COL24A1: variants seen among roughly 807,000 people sequenced by gnomAD.
COL24A1 encodes collagen alpha-1(XXIV) chain.
A neutral mutation model predicts 253.9 loss-of-function variants in COL24A1; 224 were observed. The ratio of observed to expected loss-of-function variants is 0.88; its 90% CI spans 0.79 to 0.99. The LOEUF is 0.99. Among genes scored for constraint, COL24A1 ranks in the 50% least tolerant of loss-of-function variants. The pLI is 0.00. For synonymous variants in COL24A1, 685 were observed against 673.7 expected (o/e 1.02, Z -0.26); for missense variants, 2,131 against 2,068.5 (o/e 1.03, Z -0.59).
Position 85,783,546 on chromosome 1 carries a change from C to T in COL24A1, c.4234G>A (p.Asp1412Asn), listed in dbSNP as rs952908135. ...CCTGATATCCCAACAATGCCAGCAT[C>T]CCCTTCAGGACCCTAGACATACAAT... is the stretch of plus-strand genomic sequence containing the variant. Reference protein sequence around the residue: ...GFPGPKGPEGDAGIVGISGPK... With the variant: ...GFPGPKGPEGNAGIVGISGPK... The change falls in exon 51 of 60, where the codon GAT becomes AAT. Residue 1412 changes from aspartate (D) to asparagine (N), a missense_variant. Transcript: ENST00000370571. 15 of 1,613,332 alleles carry T rather than the reference C, an allele frequency of 9.3e-6. No individual in the cohort carries two copies. Among genetic ancestry groups the T allele is most frequent in the Admixed American group, 5.0e-5 (3 of 59,972 alleles).
chr1:85,830,774 C>T (rs1000552445), intron 43 of COL24A1, among the ~76,000 whole-genome samples: 1 of 152,152 alleles, frequency 6.6e-6, no homozygotes, highest in African/African-American at 2.4e-5. Context: ...CCTTGCCCTG[C>T]TTCGGCTCGC....
intron 24 of COL24A1, among the ~76,000 whole-genome samples, chr1:85,959,312 C>G (rs1690785300): frequency 6.6e-6 from 1 of 152,054 alleles, no homozygotes; most frequent in Non-Finnish European, 1.5e-5. Context: ...CATGTGCCAT[C>G]CTTAACAAGA....
At position 85,987,732 on chromosome 1, in the gene COL24A1, T is replaced by C; in HGVS notation, c.2311-78A>G. 3 of 1,190,110 alleles carry C rather than the reference T, an allele frequency of 2.5e-6. No individual in the cohort carries two copies. The East Asian group carries it at 7.2e-5, about 29-fold the overall frequency. 73.7% of individuals were successfully genotyped at this position (1,190,110 alleles called of 1,614,324 possible). Reference sequence around the variant, plus strand: ...ATTTAGCATATAAAATTCCCTTTGCTATTCCTCCATATCCAGTTAAAGCAA... The same window carrying C: ...ATTTAGCATATAAAATTCCCTTTGCCATTCCTCCATATCCAGTTAAAGCAA... On this transcript the variant is annotated intron_variant, in intron 19 of 59. Transcript: ENST00000370571.
intron 19 of COL24A1, among the ~76,000 whole-genome samples, chr1:85,998,128 GACCTGACTAAA>G (rs1156795707): frequency 6.6e-6 from 1 of 152,098 alleles, no homozygotes; most frequent in Non-Finnish European, 1.5e-5. Flanking sequence ...AATGGAAAAA[GACCTGACTAAA>G]ACATTGAACT....
At chr1:85,859,553 CT>C (rs1678900321) in intron 37 of COL24A1, among the ~76,000 whole-genome samples, 2 of 152,120 alleles carry the variant, frequency 1.3e-5, no homozygotes, top group African/African-American at 2.4e-5. Context: ...AAGGTCCCCC[CT>C]GGTTATTTGT....
intron 57 of COL24A1, among the ~76,000 whole-genome samples, chr1:85,741,875 G>A (rs1231466147): frequency 1.3e-5 from 2 of 152,066 alleles, no homozygotes; most frequent in African/African-American, 2.4e-5. Context: ...TCTTGATGAA[G>A]GTCCTTAATG....
At chr1:85,850,793 A>C (rs975085967) in intron 37 of COL24A1, among the ~76,000 whole-genome samples, 4 of 152,142 alleles carry the variant, frequency 2.6e-5, no homozygotes, top group Non-Finnish European at 5.9e-5. Context: ...AAATAAGAGA[A>C]TGCATGTAAA....
At position 85,902,645 on chromosome 1, in the gene COL24A1, A is replaced by G. The variant is rs1684428568; in HGVS notation, c.2778+4549T>C. ...TGCTGAAGAGCCCACTGAGGGCTAAAATGGGGGCTGGAGGTGATCTCTGGC... is the reference window on the plus strand; with the variant it reads ...TGCTGAAGAGCCCACTGAGGGCTAAGATGGGGGCTGGAGGTGATCTCTGGC... On this transcript the variant is annotated intron_variant, in intron 28 of 59. Transcript: ENST00000370571. Among the ~76,000 whole-genome samples, 3 of 152,128 alleles carry G rather than the reference A, an allele frequency of 2.0e-5. No homozygotes were observed. The South Asian group carries it at 6.2e-4, about 32-fold the overall frequency.
chr1:86,029,365 T>C (rs778982024), intron 14 of COL24A1, among the ~76,000 whole-genome samples: 1 of 152,190 alleles, frequency 6.6e-6, no homozygotes, highest in Non-Finnish European at 1.5e-5. Flanking sequence ...GACTTAACAA[T>C]TGTGGCTAGT....
At chr1:86,063,688 T>G in intron 8 of COL24A1, 27 bp downstream of exon 8, 1 of 1,494,232 alleles carries the variant, frequency 6.7e-7, no homozygotes, top group Non-Finnish European at 9.0e-7. Flanking sequence ...TCACACATGA[T>G]ACAAGTCTTA....
At chr1:85,830,558 G>T (rs1177727325) in intron 43 of COL24A1, among the ~76,000 whole-genome samples, 1 of 152,142 alleles carries the variant, frequency 6.6e-6, no homozygotes, top group Non-Finnish European at 1.5e-5. Context: ...AGACTGCTGT[G>T]CTAGCAATCA....
At chr1:86,073,972 T>G (rs1702063605) in intron 7 of COL24A1, among the ~76,000 whole-genome samples, 1 of 152,026 alleles carries the variant, frequency 6.6e-6, no homozygotes, top group Non-Finnish European at 1.5e-5. Context: ...GCATTAAATA[T>G]GGAAAGGAAA....
chr1:85,938,547 C>T lies in COL24A1; in HGVS notation c.2562+22702G>A, dbSNP rs537700504. ...GTGCTAGGGGCTGTAATTTGTATGA[C>T]TGATTCCTCTTCTAAGCTTCCCTCA... On this transcript the variant is annotated intron_variant, in intron 24 of 59. Coordinates refer to ENST00000370571, the MANE Select transcript of COL24A1 (RefSeq NM_152890.7). Among the ~76,000 whole-genome samples the T allele has an allele frequency of 2.7e-5, 4 of 146,598 alleles. No individual in the cohort carries two copies. The South Asian group carries it at 1.0e-3, about 37-fold the overall frequency.
At chr1:85,825,691 T>G (rs1352606157) in intron 43 of COL24A1, among the ~76,000 whole-genome samples, 35 of 148,836 alleles carry the variant, frequency 2.4e-4, no homozygotes, top group Admixed American at 9.5e-4. Context: ...TGAGCATTTT[T>G]TCATGTGTTT....
At chr1:85,878,924 T>C (rs1681511037) in intron 32 of COL24A1, among the ~76,000 whole-genome samples, 1 of 152,226 alleles carries the variant, frequency 6.6e-6, no homozygotes, top group African/African-American at 2.4e-5. Flanking sequence ...ACATTTTAAC[T>C]GGTTTTTAAA....
At chr1:86,018,428 C>T (rs1697193729) in intron 18 of COL24A1, among the ~76,000 whole-genome samples, 1 of 152,156 alleles carries the variant, frequency 6.6e-6, no homozygotes, top group South Asian at 2.1e-4. Context: ...TACTGAAGTT[C>T]TTAAAATGAC....
intron 28 of COL24A1, among the ~76,000 whole-genome samples, chr1:85,899,968 G>T (rs1684112908): frequency 6.6e-6 from 1 of 152,132 alleles, no homozygotes; most frequent in Non-Finnish European, 1.5e-5. Context: ...ATGTTAAAAA[G>T]AAATGAGGTT....
intron 24 of COL24A1, among the ~76,000 whole-genome samples, chr1:85,951,941 A>G (rs1190610405): frequency 1.3e-5 from 2 of 152,170 alleles, no homozygotes; most frequent in African/African-American, 4.8e-5. Flanking sequence ...TAAAATCCAG[A>G]TTTCAATCAA....
At chr1:85,858,640 C>T (rs111715709) in intron 37 of COL24A1, among the ~76,000 whole-genome samples, 2,352 of 68,970 alleles carry the variant, frequency 0.034, 12 homozygotes, top group East Asian at 0.083. Flanking sequence ...TCCTTCCTTC[C>T]TTCCTTCCTT....
Sources: gnomAD v4.1 joint callset for allele counts (sites outside exome capture counted in the v4.1 genomes callset) on GRCh38, gnomAD v4.1.1 for gene constraint, MANE v1.5 for transcripts, NCBI Gene and HGNC (gene_info 2026-07-23, HGNC 2026-07-21) for gene names.